IL12RB2: variants seen among roughly 807,000 people sequenced by gnomAD.
IL12RB2 encodes interleukin 12 receptor subunit beta 2, also known as interleukin-12 receptor subunit beta-2.
In IL12RB2, 82 loss-of-function variants were observed where a neutral mutation model predicts 89.4. That is an observed-to-expected ratio of 0.92 (90% CI 0.77 to 1.10). The LOEUF is 1.10. Among genes scored for constraint, IL12RB2 ranks in the 50% least tolerant of loss-of-function variants. The pLI is 0.00. For missense variants in IL12RB2, 963 were observed against 1,031.9 expected, an observed-to-expected ratio of 0.93 and a Z score of 0.92; for synonymous variants, 368 against 370.1, an observed-to-expected ratio of 0.99 and a Z score of 0.07.
At chr1:67,352,111 T>C (rs908385463) in intron 10 of IL12RB2, among the ~76,000 whole-genome samples, 3 of 152,194 alleles carry the variant, frequency 2.0e-5, no homozygotes, top group Non-Finnish European at 2.9e-5. Context: ...TACAAAGAAA[T>C]AAAGTATTAG....
intron 13 of IL12RB2, 110 bp downstream of exon 13, chr1:67,372,893 C>G: frequency 1.3e-6 from 1 of 796,130 alleles, no homozygotes; most frequent in Non-Finnish European, 2.3e-6. Flanking sequence ...CAATGCCTGG[C>G]ATATAGTAAG....
Position 67,361,471 on chromosome 1 carries a change from G to A in IL12RB2, c.1259-6354G>A, listed in dbSNP as rs554034260. Among the ~76,000 whole-genome samples the A allele has an allele frequency of 2.6e-5, 4 of 152,206 alleles. No individual in the cohort carries two copies. The South Asian group carries it at 8.3e-4, about 32-fold the overall frequency. On this transcript the variant is annotated intron_variant, in intron 10 of 16. Coordinates refer to ENST00000674203, the MANE Select transcript of IL12RB2 (RefSeq NM_001374259.2). ...AGAGAAATTAGAATTCTAAGAAAGG[G>A]TCAAAAAAGAAATGCTAGAGATCAA... is the stretch of plus-strand genomic sequence containing the variant.
intron 8 of IL12RB2, among the ~76,000 whole-genome samples, chr1:67,332,050 G>C (rs907247072): frequency 3.3e-5 from 5 of 152,204 alleles, no homozygotes; most frequent in Admixed American, 6.5e-5. Context: ...TCATAATTAA[G>C]TTGCATTTAT....
chr1:67,372,068 G>GTGTC (rs869161487), intron 11 of IL12RB2, among the ~76,000 whole-genome samples: 1 of 60,242 alleles, frequency 1.7e-5, no homozygotes, highest in African/African-American at 5.2e-5. Context: ...GTCTGGGTGC[G>GTGTC]TGTGTGTGTC....
At chr1:67,318,131 A>T (rs1656023852) in intron 2 of IL12RB2, among the ~76,000 whole-genome samples, 1 of 152,202 alleles carries the variant, frequency 6.6e-6, no homozygotes. Context: ...TGGAAAATGC[A>T]AAGTCCTCTA....
intron 16 of IL12RB2, among the ~76,000 whole-genome samples, chr1:67,391,149 C>G (rs1395133476): frequency 6.6e-6 from 1 of 152,098 alleles, no homozygotes; most frequent in East Asian, 1.9e-4. Flanking sequence ...ACTATCTGAG[C>G]CCAAGTTTCA....
chr1:67,330,757 A>G lies in IL12RB2; in HGVS notation c.905A>G (p.Lys302Arg). 6.4e-7 allele frequency: 1 copy of G among 1,566,870 alleles called. No individual in the cohort carries two copies. The highest frequency in any genetic ancestry group is 8.8e-7 in the Non-Finnish European group (1 of 1,137,106). The stretch of plus-strand genomic sequence containing the variant: ...ATTTCCTCTAAGCTACATCTTTATA[A>G]GGGAAGTTGGAGTGATTGGAGTGAA... Reference protein sequence around the residue: ...FQISSKLHLYKGSWSDWSESL... With the variant: ...FQISSKLHLYRGSWSDWSESL... The change falls in exon 8 of 17, where the codon AAG becomes AGG. Residue 302 changes from lysine to arginine, a missense_variant. Transcript: ENST00000674203.
At chr1:67,368,428 T>C (rs1458902996) in intron 11 of IL12RB2, among the ~76,000 whole-genome samples, 1 of 152,160 alleles carries the variant, frequency 6.6e-6, no homozygotes, top group Non-Finnish European at 1.5e-5. Context: ...AAAGCAATCA[T>C]GTTCAGTAAG....
chr1:67,310,568 T>G (rs1654915871), intron 1 of IL12RB2, among the ~76,000 whole-genome samples: 2 of 152,214 alleles, frequency 1.3e-5, no homozygotes, highest in Admixed American at 6.5e-5. Flanking sequence ...CCATCTAACT[T>G]AATTCTCGTA....
chr1:67,381,365 TG>T (rs1664552484), intron 14 of IL12RB2, among the ~76,000 whole-genome samples: 1 of 152,204 alleles, frequency 6.6e-6, no homozygotes. Context: ...CTTTGTGACA[TG>T]AAGCATCAAG....
At chr1:67,338,558 A>C (rs1659142394) in intron 8 of IL12RB2, 66 bp from the exon 9 acceptor site, 1 of 801,582 alleles carries the variant, frequency 1.2e-6, no homozygotes, top group Admixed American at 1.7e-5. Context: ...TTGTTTACTG[A>C]ATGACCAGTT....
intron 14 of IL12RB2, among the ~76,000 whole-genome samples, chr1:67,381,538 C>T (rs1300494378): frequency 6.6e-6 from 1 of 151,836 alleles, no homozygotes; most frequent in Non-Finnish European, 1.5e-5. Flanking sequence ...CCGAGGAGGG[C>T]GGATCATGAG....
chr1:67,338,851 C>T (rs558873274), intron 9 of IL12RB2, 148 bp downstream of exon 9: 2 of 682,582 alleles, frequency 2.9e-6, no homozygotes, highest in South Asian at 3.2e-5. Context: ...TGTCATGTGC[C>T]TTTGGTGGAT....
intron 1 of IL12RB2, among the ~76,000 whole-genome samples, chr1:67,310,478 G>T (rs1055958786): frequency 6.6e-6 from 1 of 152,134 alleles, no homozygotes; most frequent in African/African-American, 2.4e-5. Context: ...AAGTTAGGAG[G>T]TATGGAATCT....
At chr1:67,360,281 C>T (rs1661878999) in intron 10 of IL12RB2, among the ~76,000 whole-genome samples, 1 of 151,670 alleles carries the variant, frequency 6.6e-6, no homozygotes, top group South Asian at 2.1e-4. Flanking sequence ...TGCCTGTGAT[C>T]CCAGCTGCTT....
intron 9 of IL12RB2, among the ~76,000 whole-genome samples, chr1:67,341,548 A>AG: frequency 2.7e-5 from 1 of 37,512 alleles, no homozygotes; most frequent in Non-Finnish European, 1.3e-4. Flanking sequence ...AGAAAGAAAG[A>AG]AAGAAAGAAA....
In IL12RB2 at chr1:67,321,790, G is replaced by C; in HGVS notation, c.265G>C (p.Val89Leu). The C allele has an allele frequency of 6.2e-7, 1 of 1,610,882 alleles. No individual in the cohort carries two copies. Among genetic ancestry groups the C allele is most frequent in the South Asian group, 1.1e-5 (1 of 91,004 alleles). Residue 89 changes from valine to leucine, a missense_variant, in exon 4 of 17, where the codon GTC becomes CTC. Physicochemically the swap from Val to Leu is conservative, Grantham distance 32 (BLOSUM62 1). Coordinates refer to ENST00000674203, the MANE Select transcript of IL12RB2 (RefSeq NM_001374259.2). ...FHHGHSLNSQ[V>L]TGLPLGTTLF... Reference sequence around the variant, plus strand: ...CCATGGCCACTCCCTCAATTCTCAAGTCACAGGTCTTCCCCTTGGTACAAC... The same window carrying C: ...CCATGGCCACTCCCTCAATTCTCAACTCACAGGTCTTCCCCTTGGTACAAC...
intron 2 of IL12RB2, among the ~76,000 whole-genome samples, chr1:67,315,198 A>G (rs941162121): frequency 5.9e-5 from 9 of 152,236 alleles, no homozygotes; most frequent in Middle Eastern, 6.9e-3. Flanking sequence ...GTATGTTTAT[A>G]TAATATACAC....
At chr1:67,312,647 G>A (rs1655226287) in intron 1 of IL12RB2, among the ~76,000 whole-genome samples, 1 of 111,244 alleles carries the variant, frequency 9.0e-6, no homozygotes, top group South Asian at 2.8e-4. Context: ...AGGAAAAGAA[G>A]AGAGAAAAGA....
Sources: allele counts gnomAD v4.1 joint callset (sites outside exome capture counted in the v4.1 genomes callset), GRCh38; gene constraint gnomAD v4.1.1; transcripts MANE v1.5; gene names NCBI Gene and HGNC (gene_info 2026-07-23, HGNC 2026-07-21).